Variants in UBXN2B observed in about 807,000 individuals in gnomAD.
UBXN2B encodes the protein UBX domain-containing protein 2B.
A neutral mutation model predicts 37.5 loss-of-function variants in UBXN2B; 19 were observed. The observed-to-expected ratio is 0.51, with a 90% CI of 0.35 to 0.74. UBXN2B has a LOEUF of 0.74. Among genes scored for constraint, UBXN2B ranks in the 30% least tolerant of loss-of-function variants. The pLI, the probability that UBXN2B is intolerant of heterozygous loss-of-function variation, is 0.01. For missense variants in UBXN2B, 370 were observed against 393.2 expected (o/e 0.94, Z 0.50); for synonymous variants, 145 against 143.8 (o/e 1.01, Z -0.06).
rs1585625783 is a variant in UBXN2B at position 58,450,928 on chromosome 8, A to T, written c.*3377A>T. 6.6e-6 allele frequency: 1 copy of T among 152,486 alleles called. No homozygotes were observed. Among genetic ancestry groups the T allele is most frequent in the South Asian group, 2.1e-4 (1 of 4,834 alleles). The allele number at this position is 152,486 out of a possible 1,614,324, so 9.4% of individuals were successfully genotyped here. ...AGTGCCGTAATATAGAGGAATTCTC[A>T]AAATAAGCCCTACTCCTTTTCACTT... On this transcript the variant is annotated 3_prime_UTR_variant, in exon 8 of 8. Transcript: ENST00000399598.
intron 3 of UBXN2B, among the ~76,000 whole-genome samples, chr8:58,432,634 G>A (rs993086743): frequency 2.0e-5 from 3 of 151,878 alleles, no homozygotes; most frequent in Non-Finnish European, 2.9e-5. Flanking sequence ...CGCCTGCCTC[G>A]GCCTCCCAAA....
At chr8:58,436,791 C>A (rs908420090) in intron 5 of UBXN2B, among the ~76,000 whole-genome samples, 1 of 152,174 alleles carries the variant, frequency 6.6e-6, no homozygotes, top group Non-Finnish European at 1.5e-5. Flanking sequence ...TGCCTTCTAC[C>A]ATGATTGTAA....
In UBXN2B at chr8:58,416,906, T is replaced by TAGA. The variant is rs772508494; in HGVS notation, c.142_144dup (p.Arg48dup). 8 of 1,612,904 alleles carry TAGA rather than the reference T, an allele frequency of 5.0e-6. No homozygotes were observed. The highest frequency in any genetic ancestry group is 5.1e-6 in the Non-Finnish European group (6 of 1,179,208). On this transcript the variant is annotated inframe_insertion, in exon 2 of 8. Coordinates refer to ENST00000399598, the MANE Select transcript of UBXN2B (RefSeq NM_001077619.2). ...TGAAGTGCAAATCTTCCAAGTCTAATAGACCTAAAGCCACAGTCTTCAAGA... is the reference window on the plus strand; with the variant it reads ...TGAAGTGCAAATCTTCCAAGTCTAATAGAAGACCTAAAGCCACAGTCTTCAAGA...
chr8:58,413,767 GT>G (rs559158264), intron 1 of UBXN2B, among the ~76,000 whole-genome samples: 1 of 152,070 alleles, frequency 6.6e-6, no homozygotes, highest in South Asian at 2.1e-4. Context: ...ACTCGGAAAT[GT>G]TTTTTTGCAT....
At chr8:58,425,713 C>T (rs766879377) in intron 2 of UBXN2B, 7 of 1,170,426 alleles carry the variant, frequency 6.0e-6, no homozygotes, top group Non-Finnish European at 9.0e-6. Context: ...TTATACGAGT[C>T]GTGTTAAGGG....
At chr8:58,426,275 C>T (rs1303491499) in intron 2 of UBXN2B, 18 of 502,690 alleles carry the variant, frequency 3.6e-5, no homozygotes, top group African/African-American at 2.5e-4. Context: ...GGCATGATCT[C>T]GGCTCACTGT....
chr8:58,446,941 C>G (rs980045434), intron 7 of UBXN2B, among the ~76,000 whole-genome samples: 1 of 151,412 alleles, frequency 6.6e-6, no homozygotes, highest in African/African-American at 2.4e-5. Context: ...GGATTACAGA[C>G]AGCCACCACC....
At chr8:58,421,698 C>T (rs911780455) in intron 2 of UBXN2B, among the ~76,000 whole-genome samples, 6 of 152,146 alleles carry the variant, frequency 3.9e-5, no homozygotes, top group Admixed American at 2.6e-4. Flanking sequence ...TCCATCATCC[C>T]AGCCTCTCTG....
intron 2 of UBXN2B, among the ~76,000 whole-genome samples, chr8:58,420,482 C>T (rs1174117804): frequency 6.6e-6 from 1 of 152,168 alleles, no homozygotes; most frequent in Non-Finnish European, 1.5e-5. Context: ...AAAATGATGA[C>T]ATCCTAAAAC....
intron 5 of UBXN2B, chr8:58,434,721 TG>T: frequency 7.3e-7 from 1 of 1,375,588 alleles, no homozygotes; most frequent in South Asian, 1.5e-5. Flanking sequence ...CCAGGGGCAT[TG>T]GACATTGGCC....
At chr8:58,442,243 G>A (rs904940661) in intron 6 of UBXN2B, among the ~76,000 whole-genome samples, 5 of 152,190 alleles carry the variant, frequency 3.3e-5, no homozygotes, top group Non-Finnish European at 1.5e-5. Flanking sequence ...GAAGGAGATA[G>A]CATGATGATG....
intron 2 of UBXN2B, among the ~76,000 whole-genome samples, chr8:58,419,878 C>G (rs1051131981): frequency 6.6e-6 from 1 of 152,162 alleles, no homozygotes; most frequent in Non-Finnish European, 1.5e-5. Context: ...GCACAAGGCC[C>G]CATGCTTAGA....
At chr8:58,424,169 C>T (rs1399678005) in intron 2 of UBXN2B, among the ~76,000 whole-genome samples, 2 of 150,016 alleles carry the variant, frequency 1.3e-5, no homozygotes, top group African/African-American at 4.9e-5. Context: ...CTTCCCAAAT[C>T]ATTTCTTCTT....
At chr8:58,413,459 G>T (rs1024328734) in intron 1 of UBXN2B, 1 of 152,136 alleles carries the variant, frequency 6.6e-6, no homozygotes, top group East Asian at 1.9e-4. Flanking sequence ...TCTTGTTACC[G>T]TTTAATCTAG....
intron 6 of UBXN2B, among the ~76,000 whole-genome samples, chr8:58,442,100 A>G (rs932097790): frequency 1.3e-5 from 2 of 152,204 alleles, no homozygotes; most frequent in Admixed American, 1.3e-4. Flanking sequence ...CACAAGAGCT[A>G]CAGAGTTTCC....
chr8:58,431,860 G>A lies in UBXN2B; in HGVS notation c.339+1191G>A, dbSNP rs182120533. 7.9e-4 allele frequency among the ~76,000 whole-genome samples: 121 copies of A among 152,254 alleles called. 1 individual carries two copies. The highest frequency in any genetic ancestry group is 2.5e-3 in the African/African-American group (104 of 41,552). ...TAGCTAGTGATGAACATCGTTTCAT[G>A]TGCTTCCTTGCCATTATCTGTATTA... On this transcript the variant is annotated intron_variant, in intron 3 of 7. Transcript: ENST00000399598.
At chr8:58,426,425 G>A (rs1808091853) in intron 2 of UBXN2B, 3 of 603,934 alleles carry the variant, frequency 5.0e-6, no homozygotes, top group South Asian at 4.8e-5. Flanking sequence ...AGCCAGGATG[G>A]TCTCAATCTC....
intron 1 of UBXN2B, among the ~76,000 whole-genome samples, chr8:58,413,680 TA>T (rs1807700158): frequency 1.3e-5 from 2 of 152,034 alleles, no homozygotes; most frequent in Admixed American, 6.5e-5. Flanking sequence ...GTGTTCCAGG[TA>T]CCACCAGAGA....
chr8:58,441,465 T>G (rs1041516790), intron 6 of UBXN2B, among the ~76,000 whole-genome samples: 1 of 151,620 alleles, frequency 6.6e-6, no homozygotes, highest in African/African-American at 2.4e-5. Context: ...TTATTGAGAT[T>G]ACGATTTTTA....
Sources: gnomAD v4.1 joint callset for allele counts (sites outside exome capture counted in the v4.1 genomes callset) on GRCh38, gnomAD v4.1.1 for gene constraint, MANE v1.5 for transcripts, NCBI Gene and HGNC (gene_info 2026-07-23, HGNC 2026-07-21) for gene names.